Variants in SUGT1 observed in about 807,000 individuals in gnomAD.
SUGT1 encodes the protein protein SGT1 homolog.
Under a neutral mutation model 56.1 loss-of-function variants are expected in SUGT1, and 15 were observed. That is an observed-to-expected ratio of 0.27 (90% CI 0.18 to 0.41). The LOEUF is 0.41. SUGT1 is among the 10% of genes least tolerant of loss of function. The pLI is 1.00. For missense variants in SUGT1, 347 were observed against 382.2 expected, an observed-to-expected ratio of 0.91 and a Z score of 0.77; for synonymous variants, 123 against 128.6, an observed-to-expected ratio of 0.96 and a Z score of 0.30.
intron 10 of SUGT1, among the ~76,000 whole-genome samples, chr13:52,671,190 G>T (rs1480083320): frequency 1.3e-5 from 2 of 151,448 alleles, no homozygotes; most frequent in Non-Finnish European, 2.9e-5. Context: ...TGCTTTTTTA[G>T]TACAGTGGTG....
rs142464558 is a variant in SUGT1 at position 52,681,738 on chromosome 13, G to A, written c.900+1583G>A. ...TGCCCCTGTCAGCTCAGGCGTCTGC[G>A]GCAAGAGTATTGTTTGAGCCCAGGA... On this transcript the variant is annotated intron_variant, in intron 12 of 12. Transcript: ENST00000310528. Among the ~76,000 whole-genome samples, 1,200 of 151,768 alleles carry A rather than the reference G, an allele frequency of 7.9e-3. 10 individuals are homozygous for A. Among genetic ancestry groups the A allele is most frequent in the African/African-American group, 0.023 (945 of 41,348 alleles).
rs1385287478 is a variant in SUGT1 at position 52,658,488 on chromosome 13, C to A, written c.257+20C>A. On this transcript the variant is annotated intron_variant, in intron 4 of 12. Transcript: ENST00000310528. ...AAAAGGGTATGCAGTAGCTACTCTT[C>A]TTGTTGAGCTTGGTATAGATAGTAG... 1.4e-5 allele frequency: 23 copies of A among 1,600,578 alleles called. No individual in the cohort carries two copies. The highest frequency in any genetic ancestry group is 2.0e-5 in the Non-Finnish European group (23 of 1,175,810).
At position 52,659,174 on chromosome 13, in the gene SUGT1, T is replaced by C. The variant is rs761786205; in HGVS notation, c.258-5T>C. On this transcript the variant is annotated splice_region_variant and splice_polypyrimidine_tract_variant and intron_variant, in intron 4 of 12. Coordinates refer to ENST00000310528, the MANE Select transcript of SUGT1 (RefSeq NM_006704.5). ...TCTTAATTTGTTTTAAATATATTCA[T>C]GCAGAATATGTGAATACCATGAAAA... 2.0e-5 allele frequency: 31 copies of C among 1,514,388 alleles called. 1 individual carries two copies. The South Asian group carries it at 3.6e-4, about 18-fold the overall frequency. 93.8% of individuals were successfully genotyped at this position (1,514,388 alleles called of 1,614,324 possible).
Position 52,659,249 on chromosome 13 carries a change from A to C in SUGT1, c.328A>C (p.Ser110Arg), listed in dbSNP as rs1962311291. Residue 110 changes from serine (S) to arginine (R), a missense_variant and splice_region_variant, in exon 5 of 13, where the codon AGT becomes CGT. Physicochemically the swap from Ser to Arg is moderately radical, Grantham distance 110. Coordinates refer to ENST00000310528, the MANE Select transcript of SUGT1 (RefSeq NM_006704.5). ...ETFTEGQKLD[S>R]ADANFSVWIK... ...TTTTACAGAAGGACAAAAATTAGAT[A>C]GTAAGTATTAAAAATTATACTTTAA... 6.8e-7 allele frequency: 1 copy of C among 1,460,084 alleles called. No homozygotes were observed. Among genetic ancestry groups the C allele is most frequent in the Admixed American group, 2.6e-5 (1 of 37,838 alleles). 90.4% of individuals were successfully genotyped at this position (1,460,084 alleles called of 1,614,324 possible). A position where few individuals can be genotyped will look rare whatever the true frequency, so the allele number is the denominator to read the frequency against.
intron 3 of SUGT1, 195 bp from the exon 4 acceptor site, chr13:52,658,204 C>T (rs1366178543): frequency 2.0e-6 from 3 of 1,503,698 alleles, no homozygotes; most frequent in Non-Finnish European, 2.7e-6. Flanking sequence ...AAGAAGGAAG[C>T]TAAATGTTAA....
Position 52,665,718 on chromosome 13 carries a change from A to C in SUGT1, c.504A>C (p.Glu168Asp). ...KNVQKNDVNV[E>D]FSEKELSALV... Reference sequence around the variant, plus strand: ...TTCAGAAGAATGATGTAAATGTGGAATTTTCAGAAAAAGAGGTCAGTAGAC... The same window carrying C: ...TTCAGAAGAATGATGTAAATGTGGACTTTTCAGAAAAAGAGGTCAGTAGAC... Residue 168 changes from glutamate to aspartate, a missense_variant, in exon 9 of 13, where the codon GAA (glutamate) becomes GAC (aspartate). By Grantham distance (45) the Glu-to-Asp change is conservative. Coordinates refer to ENST00000310528, the MANE Select transcript of SUGT1 (RefSeq NM_006704.5). The C allele has an allele frequency of 6.2e-7, 1 of 1,600,056 alleles. No individual in the cohort carries two copies. Among genetic ancestry groups the C allele is most frequent in the Non-Finnish European group, 8.5e-7 (1 of 1,175,934 alleles).
rs574816141 is a variant in SUGT1 at position 52,699,225 on chromosome 13, T to C, written c.*11390T>C. On this transcript the variant is annotated 3_prime_UTR_variant, in exon 13 of 13. Coordinates refer to ENST00000310528, the MANE Select transcript of SUGT1 (RefSeq NM_006704.5). ...TTGGGGGGTCATTATGATTAAGTTA[T>C]TGAATCCATATCACCGTATGACAGC... 2.0e-5 allele frequency: 3 copies of C among 152,200 alleles called. No individual in the cohort carries two copies. Among genetic ancestry groups the C allele is most frequent in the African/African-American group, 4.8e-5 (2 of 41,440 alleles). 9.4% of individuals were successfully genotyped at this position (152,200 alleles called of 1,614,324 possible).
At chr13:52,663,740 T>C (rs1344614887) in intron 7 of SUGT1, among the ~76,000 whole-genome samples, 1 of 152,254 alleles carries the variant, frequency 6.6e-6, no homozygotes, top group Non-Finnish European at 1.5e-5. Flanking sequence ...TTTCTAATCA[T>C]GCCTTTAGAA....
At chr13:52,657,260 A>G (rs949634561) in intron 2 of SUGT1, among the ~76,000 whole-genome samples, 5 of 152,234 alleles carry the variant, frequency 3.3e-5, no homozygotes, top group Non-Finnish European at 7.3e-5. Flanking sequence ...TGAGCTGATA[A>G]TAATGATCAT....
intron 7 of SUGT1, 53 bp downstream of exon 7, chr13:52,663,165 C>T: frequency 6.4e-7 from 1 of 1,565,762 alleles, no homozygotes; most frequent in South Asian, 1.2e-5. Context: ...ATTTCAGCTA[C>T]CAAATATATT....
intron 11 of SUGT1, among the ~76,000 whole-genome samples, chr13:52,677,050 G>T (rs1174089037): frequency 6.6e-6 from 1 of 152,048 alleles, no homozygotes; most frequent in Non-Finnish European, 1.5e-5. Flanking sequence ...GGAAGTAATG[G>T]TCTGATTTAA....
chr13:52,685,728 A>T (rs899201034), intron 12 of SUGT1, among the ~76,000 whole-genome samples: 1 of 152,212 alleles, frequency 6.6e-6, no homozygotes, highest in African/African-American at 2.4e-5. Context: ...TGAGAATATG[A>T]AAGAAACTAG....
At chr13:52,672,748 C>T (rs1962993303) in intron 10 of SUGT1, among the ~76,000 whole-genome samples, 1 of 152,172 alleles carries the variant, frequency 6.6e-6, no homozygotes, top group African/African-American at 2.4e-5. Context: ...TAGGTGGGAT[C>T]TTACTTACCA....
chr13:52,662,582 C>T, intron 5 of SUGT1, 67 bp from the exon 6 acceptor site: 1 of 1,527,952 alleles, frequency 6.5e-7, no homozygotes, highest in South Asian at 1.1e-5. Flanking sequence ...AGTAGGTATT[C>T]AGTAAGTATT....
At chr13:52,682,256 T>C (rs1419609968) in intron 12 of SUGT1, among the ~76,000 whole-genome samples, 1 of 152,206 alleles carries the variant, frequency 6.6e-6, no homozygotes, top group Non-Finnish European at 1.5e-5. Context: ...TGAAGTACAG[T>C]GGCACAGTCA....
rs545983996 is a variant in SUGT1 at position 52,665,041 on chromosome 13, A to G, written c.423-596A>G. ...TCTAGACCCATTAGTCTTTCCATGT[A>G]TCTTGAAATTGAAGGAAAGTGTTGT... On this transcript the variant is annotated intron_variant, in intron 8 of 12. Transcript: ENST00000310528. Among the ~76,000 whole-genome samples, 3 of 152,276 alleles carry G rather than the reference A, an allele frequency of 2.0e-5. No individual in the cohort carries two copies. The South Asian group carries it at 6.2e-4, about 32-fold the overall frequency.
intron 10 of SUGT1, among the ~76,000 whole-genome samples, chr13:52,672,693 C>T (rs776795178): frequency 5.9e-5 from 9 of 152,180 alleles, no homozygotes; most frequent in Admixed American, 6.5e-5. Flanking sequence ...ATTGCCCCAG[C>T]TCTTTAGTCT....
At chr13:52,656,895 C>G (rs1401536623) in intron 2 of SUGT1, among the ~76,000 whole-genome samples, 3 of 152,174 alleles carry the variant, frequency 2.0e-5, no homozygotes, top group Non-Finnish European at 4.4e-5. Flanking sequence ...AGCTACCACA[C>G]CTATATGTTG....
chr13:52,660,834 T>G (rs1314912040), intron 5 of SUGT1, among the ~76,000 whole-genome samples: 1 of 152,210 alleles, frequency 6.6e-6, no homozygotes, highest in African/African-American at 2.4e-5. Flanking sequence ...CGAGAGAAGG[T>G]CTCGCTCTGT....
Sources: gnomAD v4.1 joint callset for allele counts (sites outside exome capture counted in the v4.1 genomes callset) on GRCh38, gnomAD v4.1.1 for gene constraint, MANE v1.5 for transcripts, NCBI Gene and HGNC (gene_info 2026-07-23, HGNC 2026-07-21) for gene names.